TRMT10A: variants seen among roughly 807,000 people sequenced by gnomAD.
The protein encoded by TRMT10A is tRNA methyltransferase 10A, also known as tRNA methyltransferase 10 homolog A.
In TRMT10A, 37 loss-of-function variants were observed where a neutral mutation model predicts 40.4. The observed-to-expected ratio is 0.92, with a 90% CI of 0.71 to 1.21. The LOEUF (loss-of-function observed/expected upper bound fraction) is 1.21, where lower values mean the gene tolerates loss of function less well. Ranked by LOEUF, TRMT10A falls within the 50% of genes most tolerant of loss-of-function variation. The probability of loss-of-function intolerance (pLI) is 0.00; values close to 1 mark genes in which losing one functional copy is unlikely to be tolerated. For missense variants in TRMT10A, 388 were observed against 404.3 expected, an observed-to-expected ratio of 0.96 and a Z score of 0.35; for synonymous variants, 103 against 134.1, an observed-to-expected ratio of 0.77 and a Z score of 1.60.
chr4:99,559,012 C>T (rs73832830), intron 2 of TRMT10A, 142 bp downstream of exon 2: 48,617 of 861,434 alleles, frequency 0.056, 2,738 homozygotes, highest in East Asian at 0.21. Context: ...TCTTCTCTTG[C>T]GTTTTTCTTT....
chr4:99,548,934 G>GA lies in TRMT10A; in HGVS notation c.*153_*154insT. The GA allele has an allele frequency of 1.5e-6, 1 of 660,742 alleles. No individual in the cohort carries two copies. The highest frequency in any genetic ancestry group is 2.3e-6 in the Non-Finnish European group (1 of 439,186). The allele number at this position is 660,742 out of a possible 1,614,324, so 40.9% of individuals were successfully genotyped here. A position where few individuals can be genotyped will look rare whatever the true frequency, so the allele number is the denominator to read the frequency against. On this transcript the variant is annotated 3_prime_UTR_variant, in exon 8 of 8. Coordinates refer to ENST00000394876, the MANE Select transcript of TRMT10A (RefSeq NM_001134665.3). ...AATATTTCCTTACAAAGTTTAAAGG[G>GA]CTTTTTTTTTTATTATTATTTAGGT...
At position 99,546,790 on chromosome 4, in the gene TRMT10A, A is replaced by C. The variant is rs1723752904; in HGVS notation, c.*2298T>G. The C allele has an allele frequency of 6.6e-6, 1 of 152,174 alleles. No homozygotes were observed. The highest frequency in any genetic ancestry group is 2.1e-4 in the South Asian group (1 of 4,836). 9.4% of individuals were successfully genotyped at this position (152,174 alleles called of 1,614,324 possible). On this transcript the variant is annotated 3_prime_UTR_variant, in exon 8 of 8. Coordinates refer to ENST00000394876, the MANE Select transcript of TRMT10A (RefSeq NM_001134665.3). ...TACAAGTAACTTTAGTATTTACTGA[A>C]GTTTTAACAAATAACCTAAATAAAC...
rs192276160 is a variant in TRMT10A, at chr4:99,548,298, A to T, written c.*790T>A. The T allele has an allele frequency of 5.3e-5, 8 of 152,250 alleles. No homozygotes were observed. The East Asian group carries it at 1.5e-3, about 29-fold the overall frequency. 9.4% of individuals were successfully genotyped at this position (152,250 alleles called of 1,614,324 possible). ...CAACAAATTTAAAAAAAATATGGAAAAAAAAACCACAGCTGCTAAGAGCTG... is the reference window on the plus strand; with the variant it reads ...CAACAAATTTAAAAAAAATATGGAATAAAAAACCACAGCTGCTAAGAGCTG... On this transcript the variant is annotated 3_prime_UTR_variant, in exon 8 of 8. Transcript: ENST00000394876.
chr4:99,550,826 A>C, intron 7 of TRMT10A, 59 bp downstream of exon 7: 1 of 1,208,584 alleles, frequency 8.3e-7, no homozygotes. Flanking sequence ...TACTAAATGT[A>C]ATATTCTTTC....
intron 7 of TRMT10A, among the ~76,000 whole-genome samples, chr4:99,550,672 T>C (rs1198622873): frequency 6.6e-6 from 1 of 152,216 alleles, no homozygotes; most frequent in Non-Finnish European, 1.5e-5. Context: ...AGTATTTCTG[T>C]GTAGTAAGAC....
chr4:99,556,385 T>C (rs1469051566), intron 4 of TRMT10A, among the ~76,000 whole-genome samples, 165 bp from the exon 5 acceptor site: 1 of 152,152 alleles, frequency 6.6e-6, no homozygotes, highest in Admixed American at 6.5e-5. Context: ...AACAATAAAC[T>C]GTGGTAGAAA....
chr4:99,563,757 C>G (rs1724565478), intron 1 of TRMT10A, 156 bp downstream of exon 1: 1 of 452,644 alleles, frequency 2.2e-6, no homozygotes, highest in Admixed American at 2.9e-5. Flanking sequence ...ACGTCATTTC[C>G]TTCAGCAAGA....
intron 5 of TRMT10A, among the ~76,000 whole-genome samples, chr4:99,554,900 T>C (rs954039950): frequency 4.6e-5 from 7 of 152,144 alleles, no homozygotes; most frequent in African/African-American, 1.7e-4. Flanking sequence ...TAAGCCACAT[T>C]GACTGCATAA....
chr4:99,547,277 T>C lies in TRMT10A; in HGVS notation c.*1811A>G, dbSNP rs1460483606. 3 of 152,140 alleles carry C rather than the reference T, an allele frequency of 2.0e-5. No individual in the cohort carries two copies. The South Asian group carries it at 6.2e-4, about 31-fold the overall frequency. The allele number at this position is 152,140 out of a possible 1,614,324, so 9.4% of individuals were successfully genotyped here. ...AAGCCAGGAAGAGGCTAGGAAGTAT[T>C]CTTTCCTAGGGCCTAAGGAGGAAGC... On this transcript the variant is annotated 3_prime_UTR_variant, in exon 8 of 8. Coordinates refer to ENST00000394876, the MANE Select transcript of TRMT10A (RefSeq NM_001134665.3).
At chr4:99,549,380 C>A in intron 7 of TRMT10A, 24 bp from the exon 8 acceptor site, 1 of 1,608,328 alleles carries the variant, frequency 6.2e-7, no homozygotes, top group Non-Finnish European at 8.5e-7. Flanking sequence ...ATATTCCGTA[C>A]ATTTCTTAGC....
intron 4 of TRMT10A, among the ~76,000 whole-genome samples, chr4:99,556,483 C>T (rs536625104): frequency 6.6e-6 from 1 of 152,056 alleles, no homozygotes; most frequent in Non-Finnish European, 1.5e-5. Flanking sequence ...CATGCCTGTA[C>T]CTTAATCATC....
Position 99,557,423 on chromosome 4 carries a change from C to T in TRMT10A, c.349-7G>A. 1 of 1,611,828 alleles carries T rather than the reference C, an allele frequency of 6.2e-7. No individual in the cohort carries two copies. The highest frequency in any genetic ancestry group is 1.7e-5 in the Admixed American group (1 of 59,698). On this transcript the variant is annotated splice_polypyrimidine_tract_variant and splice_region_variant and intron_variant, in intron 3 of 7. Coordinates refer to ENST00000394876, the MANE Select transcript of TRMT10A (RefSeq NM_001134665.3). Reference sequence around the variant, plus strand: ...TATGAAGTTTCTTAATGTCCTATCACAGAGTTCAATTTTTAAAGCAAAGTT... The same window carrying T: ...TATGAAGTTTCTTAATGTCCTATCATAGAGTTCAATTTTTAAAGCAAAGTT...
Position 99,549,076 on chromosome 4 carries a change from A to AACC in TRMT10A, c.*9_*11dup. ...CTAATTTTTCCTTAAACTAAAAGGA[A>AACC]ACCAGGTAACATTAGTGTGGCAGAG... On this transcript the variant is annotated 3_prime_UTR_variant, in exon 8 of 8. Coordinates refer to ENST00000394876, the MANE Select transcript of TRMT10A (RefSeq NM_001134665.3). 6.2e-7 allele frequency: 1 copy of AACC among 1,610,450 alleles called. No homozygotes were observed. Among genetic ancestry groups the AACC allele is most frequent in the Non-Finnish European group, 8.5e-7 (1 of 1,176,972 alleles).
chr4:99,562,201 A>ATGTGTGTGTGTGTGTTTG (rs1553924867), intron 1 of TRMT10A, among the ~76,000 whole-genome samples: 1 of 136,158 alleles, frequency 7.3e-6, no homozygotes, highest in South Asian at 2.3e-4. Context: ...ATATATATAT[A>ATGTGTGTGTGTGTGTTTG]TGTGTGTGTG....
chr4:99,562,211 G>GTGTT (rs1052058501), intron 1 of TRMT10A, among the ~76,000 whole-genome samples: 2 of 149,768 alleles, frequency 1.3e-5, no homozygotes, highest in Admixed American at 6.6e-5. Flanking sequence ...ATGTGTGTGT[G>GTGTT]TGTGTGTGTG....
chr4:99,552,571 C>T (rs1186239081), intron 6 of TRMT10A, among the ~76,000 whole-genome samples: 3 of 152,004 alleles, frequency 2.0e-5, no homozygotes, highest in Non-Finnish European at 2.9e-5. Flanking sequence ...AAGCAACATA[C>T]GACTGAACTT....
intron 1 of TRMT10A, 82 bp downstream of exon 1, chr4:99,563,831 A>G (rs1334128585): frequency 2.5e-5 from 16 of 644,060 alleles, no homozygotes; most frequent in Non-Finnish European, 4.0e-5. Flanking sequence ...TGTTGCTAGT[A>G]GGGGGCTGCA....
At position 99,558,097 on chromosome 4, in the gene TRMT10A, G is replaced by C; in HGVS notation, c.300C>G (p.Thr100=). 1 of 1,611,132 alleles carries C rather than the reference G, an allele frequency of 6.2e-7. No individual in the cohort carries two copies. The highest frequency in any genetic ancestry group is 8.5e-7 in the Non-Finnish European group (1 of 1,178,896). The change falls in exon 3 of 8, where the codon ACC becomes ACG. Residue 100 remains threonine, a synonymous_variant. Transcript: ENST00000394876. ...AACTACAGTCAATAATAAGGCGAAGGGTGCTATGAACAACATCTCTTCGAA... is the reference window on the plus strand; with the variant it reads ...AACTACAGTCAATAATAAGGCGAAGCGTGCTATGAACAACATCTCTTCGAA... ...KRVRRDVVHS[T]LRLIIDCSFD...
chr4:99,549,010 T>G lies in TRMT10A; in HGVS notation c.*78A>C, dbSNP rs1723851823. 5.1e-6 allele frequency: 7 copies of G among 1,380,946 alleles called. No individual in the cohort carries two copies. Among genetic ancestry groups the G allele is most frequent in the Non-Finnish European group, 5.8e-6 (6 of 1,040,578 alleles). 85.5% of individuals were successfully genotyped at this position (1,380,946 alleles called of 1,614,324 possible). A position where few individuals can be genotyped will look rare whatever the true frequency, so the allele number is the denominator to read the frequency against. ...AACAGAAATAAGAGAAAATAAAATG[T>G]TCTTCCAATTTCAATATTCTATATA... On this transcript the variant is annotated 3_prime_UTR_variant, in exon 8 of 8. Transcript: ENST00000394876.
Sources: allele counts gnomAD v4.1 joint callset (sites outside exome capture counted in the v4.1 genomes callset), GRCh38; gene constraint gnomAD v4.1.1; transcripts MANE v1.5; gene names NCBI Gene and HGNC (gene_info 2026-07-23, HGNC 2026-07-21).